The following ZNF462 variants were observed in gnomAD, a reference collection of about 807,000 sequenced individuals.
ZNF462 encodes the protein zinc finger protein 462, also known as zinc finger PBX1-interacting protein.
A neutral mutation model predicts 201.9 loss-of-function variants in ZNF462; 10 were observed. The ratio of observed to expected loss-of-function variants is 0.05; its 90% confidence interval spans 0.03 to 0.08. The LOEUF (loss-of-function observed/expected upper bound fraction) is 0.08. ZNF462 is among the 10% of genes least tolerant of loss of function. ZNF462 has a pLI of 1.00. For synonymous variants in ZNF462, 1,227 were observed against 1,193.3 expected (o/e 1.03, Z -0.58); for missense variants, 2,523 against 3,168.3 (o/e 0.80, Z 4.89).
chr9:106,977,655 C>T lies in ZNF462; in HGVS notation c.6832+3382C>T, dbSNP rs991582885. Among the ~76,000 whole-genome samples, 2 of 151,494 alleles carry T rather than the reference C, an allele frequency of 1.3e-5. No individual in the cohort carries two copies. The highest frequency in any genetic ancestry group is 2.9e-5 in the Non-Finnish European group (2 of 68,038). On this transcript the variant is annotated intron_variant, in intron 9 of 12. Coordinates refer to ENST00000277225, the MANE Select transcript of ZNF462 (RefSeq NM_021224.6). The surrounding 1 kb of genome is among the most constrained non-coding windows in gnomAD (Gnocchi z 4.6). ...TGGGGAACATAAGACCCAGCACCCA[C>T]TCTCCTCAGAGATGAGCATGTGCGT...
intron 5 of ZNF462, among the ~76,000 whole-genome samples, chr9:106,934,825 TTAAA>T (rs1830564227): frequency 6.6e-6 from 1 of 152,190 alleles, no homozygotes. Context: ...TTCGTTGTAA[TTAAA>T]TAACTCCCTT....
chr9:106,993,975 A>G lies in ZNF462; in HGVS notation c.7057-9319A>G, dbSNP rs147371209. On this transcript the variant is annotated intron_variant, in intron 10 of 12. Coordinates refer to ENST00000277225, the MANE Select transcript of ZNF462 (RefSeq NM_021224.6). This position sits in a 1 kb window ranked among gnomAD's most constrained non-coding sequence, Gnocchi z 4.0. ...ACAAACCTTGCACTTCTCACATTTAAAAAATACACACACTGTTTTTAAAAG... is the reference window on the plus strand; with the variant it reads ...ACAAACCTTGCACTTCTCACATTTAGAAAATACACACACTGTTTTTAAAAG... Among the ~76,000 whole-genome samples the G allele has an allele frequency of 6.6e-6, 1 of 152,216 alleles. No homozygotes were observed. The highest frequency in any genetic ancestry group is 1.9e-4 in the East Asian group (1 of 5,168).
chr9:106,960,243 A>G (rs1831769623), intron 7 of ZNF462, among the ~76,000 whole-genome samples: 1 of 152,040 alleles, frequency 6.6e-6, no homozygotes, highest in Admixed American at 6.6e-5. Context: ...TGATTATCGA[A>G]TCTTTTAAGA....
chr9:106,941,668 T>C (rs1016932350), intron 7 of ZNF462, among the ~76,000 whole-genome samples: 15 of 152,224 alleles, frequency 9.9e-5, no homozygotes, highest in African/African-American at 3.4e-4. Flanking sequence ...TTTGATGACA[T>C]AAAAGCTGAT....
At position 107,009,224 on chromosome 9, in the gene ZNF462, C is replaced by T. The variant is rs1056800580; in HGVS notation, c.7190-321C>T. 8 of 306,396 alleles carry T rather than the reference C, an allele frequency of 2.6e-5. No homozygotes were observed. Among genetic ancestry groups the T allele is most frequent in the Admixed American group, 1.8e-4 (4 of 22,354 alleles). The allele number at this position is 306,396 out of a possible 1,614,324, so 19.0% of individuals were successfully genotyped here. On this transcript the variant is annotated intron_variant, in intron 11 of 12. Coordinates refer to ENST00000277225, the MANE Select transcript of ZNF462 (RefSeq NM_021224.6). This position sits in a 1 kb window ranked among gnomAD's most constrained non-coding sequence, Gnocchi z 6.1. ...TCATCACACAAGGGAGAGAATAAATCGGAAAAAATAATGCTCAGATTCCTT... is the reference window on the plus strand; with the variant it reads ...TCATCACACAAGGGAGAGAATAAATTGGAAAAAATAATGCTCAGATTCCTT...
At chr9:106,874,902 C>T (rs1012162909) in intron 1 of ZNF462, among the ~76,000 whole-genome samples, 4 of 152,214 alleles carry the variant, frequency 2.6e-5, no homozygotes, top group Non-Finnish European at 5.9e-5. Flanking sequence ...GAATGAACAT[C>T]ACCCATAGGT....
chr9:106,961,288 A>G (rs1209131703), intron 7 of ZNF462, among the ~76,000 whole-genome samples: 1 of 152,112 alleles, frequency 6.6e-6, no homozygotes, highest in Non-Finnish European at 1.5e-5. Flanking sequence ...GGGCAAGACT[A>G]GAAATTAATG....
chr9:106,901,572 T>C (rs1471362427), intron 1 of ZNF462, among the ~76,000 whole-genome samples: 1 of 152,184 alleles, frequency 6.6e-6, no homozygotes, highest in Non-Finnish European at 1.5e-5. Context: ...TCCTTTTGTT[T>C]GTGTCATCTA....
In ZNF462 at chr9:106,890,968, CTT is replaced by C. The variant is rs1264268970; in HGVS notation, c.-31+27617_-31+27618del. Among the ~76,000 whole-genome samples, 1 of 152,124 alleles carries C rather than the reference CTT, an allele frequency of 6.6e-6. No homozygotes were observed. The highest frequency in any genetic ancestry group is 2.4e-5 in the African/African-American group (1 of 41,414). ...CTGGTTGAGTAAAGAATAAGATAGT[CTT>C]TTTCTTTTTTGGAAAAATCGTATGG... On this transcript the variant is annotated intron_variant, in intron 1 of 12. Transcript: ENST00000277225. This position sits in a 1 kb window ranked among gnomAD's most constrained non-coding sequence, Gnocchi z 4.2.
chr9:106,887,276 C>T (rs1184824886), intron 1 of ZNF462, among the ~76,000 whole-genome samples: 1 of 152,202 alleles, frequency 6.6e-6, no homozygotes, highest in African/African-American at 2.4e-5. Flanking sequence ...ATCTGTTTCA[C>T]CACCACCTTC....
intron 10 of ZNF462, among the ~76,000 whole-genome samples, chr9:106,996,925 A>T (rs747846547): frequency 3.9e-5 from 6 of 152,196 alleles, no homozygotes; most frequent in Non-Finnish European, 8.8e-5. Flanking sequence ...GGAAGAGTTT[A>T]TAAGCAACTA....
intron 1 of ZNF462, among the ~76,000 whole-genome samples, chr9:106,903,749 T>C (rs576408574): frequency 1.6e-4 from 24 of 152,338 alleles, no homozygotes; most frequent in South Asian, 1.2e-3. Context: ...TTACCCCTGC[T>C]CACTTTTGGT....
rs775365225 is a variant in ZNF462, at chr9:106,928,712, C to T, written c.4800C>T (p.His1600=). Residue 1600 remains histidine, a synonymous_variant, in exon 3 of 13, where the codon CAC becomes CAT. Coordinates refer to ENST00000277225, the MANE Select transcript of ZNF462 (RefSeq NM_021224.6). The surrounding 1 kb of genome is among the most constrained non-coding windows in gnomAD (Gnocchi z 9.3). ...TAAAAATCCACTACGAGAAGTATCA[C>T]AATCAGCCTGAATTTGATGTCTTTT... ...EKLKIHYEKY[H]NQPEFDVFSQ... 1 of 1,614,172 alleles carries T rather than the reference C, an allele frequency of 6.2e-7. No individual in the cohort carries two copies. Among genetic ancestry groups the T allele is most frequent in the Non-Finnish European group, 8.5e-7 (1 of 1,180,040 alleles).
intron 1 of ZNF462, among the ~76,000 whole-genome samples, chr9:106,910,923 A>G (rs1282204081): frequency 6.6e-6 from 1 of 152,176 alleles, no homozygotes; most frequent in African/African-American, 2.4e-5. Flanking sequence ...CTAAGCTTGG[A>G]GGTATTTTCT....
chr9:106,903,784 T>C (rs1019077065), intron 1 of ZNF462, among the ~76,000 whole-genome samples: 1 of 152,182 alleles, frequency 6.6e-6, no homozygotes, highest in Admixed American at 6.5e-5. Flanking sequence ...AATGCCTTTT[T>C]CCACCCCTTT....
At chr9:106,904,361 A>T (rs1054848901) in intron 1 of ZNF462, among the ~76,000 whole-genome samples, 1 of 152,084 alleles carries the variant, frequency 6.6e-6, no homozygotes, top group African/African-American at 2.4e-5. Context: ...AGCTCTTAAG[A>T]TTCTTTCCTT....
intron 7 of ZNF462, among the ~76,000 whole-genome samples, chr9:106,948,183 T>C (rs553749214): frequency 3.3e-5 from 5 of 152,028 alleles, no homozygotes; most frequent in Non-Finnish European, 7.4e-5. Flanking sequence ...CCAGTGTGGC[T>C]GGAGCAAAGG....
chr9:106,888,041 ATT>A (rs11290404), intron 1 of ZNF462, among the ~76,000 whole-genome samples: 2,612 of 136,108 alleles, frequency 0.019, 62 homozygotes, highest in African/African-American at 0.065. Flanking sequence ...GTAAATGTGG[ATT>A]TTTTTTTTTT....
At chr9:106,894,175 C>T (rs954524601) in intron 1 of ZNF462, among the ~76,000 whole-genome samples, 1 of 152,210 alleles carries the variant, frequency 6.6e-6, no homozygotes, top group Admixed American at 6.5e-5. Flanking sequence ...GGATTTAAAC[C>T]GGTAGGTGGG....
Sources: gnomAD v4.1 joint callset for allele counts (sites outside exome capture counted in the v4.1 genomes callset) on GRCh38, gnomAD v4.1.1 for gene constraint, Gnocchi (gnomAD v3.1) non-coding constraint, MANE v1.5 for transcripts, NCBI Gene and HGNC (gene_info 2026-07-23, HGNC 2026-07-21) for gene names.